Variants in PYGB observed in about 807,000 individuals in gnomAD.
The protein encoded by PYGB is glycogen phosphorylase, brain form.
A neutral mutation model predicts 94.3 loss-of-function variants in PYGB; 82 were observed. The observed-to-expected ratio is 0.87, with a 90% CI of 0.73 to 1.04. PYGB has a LOEUF of 1.04. PYGB is among the 50% of genes least tolerant of loss of function. PYGB has a pLI of 0.00. For missense variants in PYGB, 1,132 were observed against 1,158.2 expected, an observed-to-expected ratio of 0.98 and a Z score of 0.33; for synonymous variants, 488 against 479.1, an observed-to-expected ratio of 1.02 and a Z score of -0.24.
intron 14 of PYGB, 125 bp downstream of exon 14, chr20:25,284,376 T>C: frequency 1.6e-6 from 2 of 1,281,220 alleles, no homozygotes; most frequent in Non-Finnish European, 2.1e-6. Flanking sequence ...CGTGTGCATG[T>C]GTGATGTGGC....
chr20:25,259,116 A>C, intron 1 of PYGB, 121 bp from the exon 2 acceptor site: 1 of 888,510 alleles, frequency 1.1e-6, no homozygotes, highest in Non-Finnish European at 1.7e-6. Flanking sequence ...GTTTTTGTGC[A>C]TGGGGTTGAC....
At chr20:25,253,774 G>A (rs1311277279) in intron 1 of PYGB, among the ~76,000 whole-genome samples, 1 of 152,082 alleles carries the variant, frequency 6.6e-6, no homozygotes, top group Non-Finnish European at 1.5e-5. Flanking sequence ...TCCTGTTGAC[G>A]CTTCATCCGG....
At chr20:25,271,130 C>T (rs920267322) in intron 3 of PYGB, among the ~76,000 whole-genome samples, 1 of 152,132 alleles carries the variant, frequency 6.6e-6, no homozygotes, top group Non-Finnish European at 1.5e-5. Flanking sequence ...AGGTTCCAGG[C>T]CTGGCCGAGT....
At chr20:25,285,233 G>A (rs957785701) in intron 14 of PYGB, 1 of 152,200 alleles carries the variant, frequency 6.6e-6, no homozygotes, top group Non-Finnish European at 1.5e-5. Flanking sequence ...CCGAGATGGT[G>A]CACGGGAACT....
chr20:25,296,637 T>C lies in PYGB; in HGVS notation c.*115T>C, dbSNP rs1349293383. 3.6e-6 allele frequency: 5 copies of C among 1,373,010 alleles called. No individual in the cohort carries two copies. In the South Asian group the frequency reaches 5.6e-5, roughly 15 times the overall value. The allele number at this position is 1,373,010 out of a possible 1,614,324, so 85.1% of individuals were successfully genotyped here. A position where few individuals can be genotyped will look rare whatever the true frequency, so the allele number is the denominator to read the frequency against. On this transcript the variant is annotated 3_prime_UTR_variant, in exon 20 of 20. Coordinates refer to ENST00000216962, the MANE Select transcript of PYGB (RefSeq NM_002862.4). ...GTGGTCCCTGCTTTTCTGAGTACCA[T>C]GTTTCCAGGAGGGGCCATGGGGGTC...
chr20:25,289,713 A>C lies in PYGB; in HGVS notation c.1828-768A>C, dbSNP rs539245804. ...GAAAAGCAGGAAGAATTGTAGCAAA[A>C]CCATAAACCTGTCACCCAGACTAGC... On this transcript the variant is annotated intron_variant, in intron 15 of 19. Transcript: ENST00000216962. 5.3e-5 allele frequency: 21 copies of C among 399,914 alleles called. 1 individual carries two copies. Among genetic ancestry groups the C allele is most frequent in the Admixed American group, 4.0e-4 (12 of 30,228 alleles). 24.8% of individuals were successfully genotyped at this position (399,914 alleles called of 1,614,324 possible).
chr20:25,274,925 G>T (rs964403368), intron 5 of PYGB, among the ~76,000 whole-genome samples: 6 of 152,240 alleles, frequency 3.9e-5, no homozygotes, highest in African/African-American at 1.4e-4. Flanking sequence ...CAGTGGAAGC[G>T]CTGAGCACAG....
intron 4 of PYGB, 117 bp downstream of exon 4, chr20:25,271,603 G>A: frequency 1.8e-6 from 2 of 1,138,646 alleles, no homozygotes; most frequent in Middle Eastern, 2.0e-4. Flanking sequence ...CTGCAGGCCG[G>A]CCAGGGCAAT....
Position 25,288,378 on chromosome 20 carries a change from G to A in PYGB, c.1769-47G>A, listed in dbSNP as rs201684333. 515 of 1,610,446 alleles carry A rather than the reference G, an allele frequency of 3.2e-4. 2 individuals are homozygous for A. In the African/African-American group the frequency reaches 5.9e-3, roughly 19 times the overall value. ...TGCTGCTGGGCCCCAGCAGGGGCTC[G>A]TCCGGCTCGCGGTGCCTTGTGTGAG... On this transcript the variant is annotated intron_variant, in intron 14 of 19. Coordinates refer to ENST00000216962, the MANE Select transcript of PYGB (RefSeq NM_002862.4).
intron 16 of PYGB, among the ~76,000 whole-genome samples, chr20:25,292,204 G>A (rs1402722326): frequency 2.0e-5 from 3 of 152,196 alleles, no homozygotes; most frequent in African/African-American, 7.2e-5. Flanking sequence ...CCCCAGTCAC[G>A]AAGGGGAGCC....
intron 2 of PYGB, among the ~76,000 whole-genome samples, chr20:25,264,361 T>A (rs1254968261): frequency 6.6e-6 from 1 of 152,188 alleles, no homozygotes; most frequent in Non-Finnish European, 1.5e-5. Context: ...CTTTGAAAAC[T>A]GGCAGAAGAC....
intron 15 of PYGB, among the ~76,000 whole-genome samples, chr20:25,288,840 G>C (rs1390574883): frequency 6.6e-6 from 1 of 152,202 alleles, no homozygotes; most frequent in Non-Finnish European, 1.5e-5. Context: ...CCTGGTTTCA[G>C]TTCACTTTAT....
chr20:25,283,329 A>G, intron 13 of PYGB, 52 bp downstream of exon 13: 1 of 1,519,136 alleles, frequency 6.6e-7, no homozygotes, highest in Non-Finnish European at 9.1e-7. Flanking sequence ...ACAACCAGGC[A>G]GGTAGGCCCT....
At chr20:25,281,339 C>T (rs975688874) in intron 11 of PYGB, among the ~76,000 whole-genome samples, 3 of 152,216 alleles carry the variant, frequency 2.0e-5, no homozygotes, top group African/African-American at 2.4e-5. Context: ...TCTGGCTCTG[C>T]GGGCAACGGG....
intron 13 of PYGB, 143 bp downstream of exon 13, chr20:25,283,420 G>A: frequency 1.4e-6 from 1 of 703,894 alleles, no homozygotes; most frequent in South Asian, 1.9e-5. Flanking sequence ...CAGGACTGAG[G>A]GTGAGGCTGT....
intron 7 of PYGB, among the ~76,000 whole-genome samples, chr20:25,277,996 C>T (rs542355447): frequency 2.6e-5 from 4 of 152,256 alleles, no homozygotes; most frequent in African/African-American, 9.6e-5. Context: ...AGAGTGCACT[C>T]CCCTGTCCCC....
chr20:25,295,414 C>T (rs1600747846), intron 18 of PYGB, among the ~76,000 whole-genome samples, 190 bp from the exon 19 acceptor site: 1 of 152,378 alleles, frequency 6.6e-6, no homozygotes, highest in East Asian at 1.9e-4. Context: ...ATAAGTGTTG[C>T]TCACAGAGAA....
chr20:25,282,019 C>A lies in PYGB; in HGVS notation c.1404-14C>A. The A allele has an allele frequency of 6.3e-7, 1 of 1,589,408 alleles. No individual in the cohort carries two copies. Among genetic ancestry groups the A allele is most frequent in the Non-Finnish European group, 8.6e-7 (1 of 1,157,620 alleles). ...ACAGCATTTGTGACAGTTCCCTGTTCTCTGTGTTTGCAGCTTTAAGGATTT... is the reference window on the plus strand; with the variant it reads ...ACAGCATTTGTGACAGTTCCCTGTTATCTGTGTTTGCAGCTTTAAGGATTT... On this transcript the variant is annotated splice_polypyrimidine_tract_variant and intron_variant, in intron 11 of 19. Coordinates refer to ENST00000216962, the MANE Select transcript of PYGB (RefSeq NM_002862.4).
Position 25,296,604 on chromosome 20 carries a change from A to AGCCACTGGTG in PYGB, c.*84_*93dup. On this transcript the variant is annotated 3_prime_UTR_variant, in exon 20 of 20. Transcript: ENST00000216962. ...TCCTTTTTTCCCCAAACACTTTGCC[A>AGCCACTGGTG]GCCACTGGTGGTCCCTGCTTTTCTG... 1.3e-6 allele frequency: 2 copies of AGCCACTGGTG among 1,508,834 alleles called. No homozygotes were observed. The highest frequency in any genetic ancestry group is 2.5e-5 in the South Asian group (2 of 78,818). 93.5% of individuals were successfully genotyped at this position (1,508,834 alleles called of 1,614,324 possible). A position where few individuals can be genotyped will look rare whatever the true frequency, so the allele number is the denominator to read the frequency against.
Sources: gnomAD v4.1 joint callset for allele counts (sites outside exome capture counted in the v4.1 genomes callset) on GRCh38, gnomAD v4.1.1 for gene constraint, MANE v1.5 for transcripts, NCBI Gene and HGNC (gene_info 2026-07-23, HGNC 2026-07-21) for gene names.